SYT1: variants seen among roughly 807,000 people sequenced by gnomAD.
The protein encoded by SYT1 is synaptotagmin-1.
A neutral mutation model predicts 44.8 loss-of-function variants in SYT1; 8 were observed. That is an observed-to-expected ratio of 0.18 (90% CI 0.10 to 0.32). The LOEUF (loss-of-function observed/expected upper bound fraction) is 0.32. SYT1 is among the 10% of genes least tolerant of loss of function. The probability of loss-of-function intolerance (pLI) is 1.00; values close to 1 mark genes in which losing one functional copy is unlikely to be tolerated. For synonymous variants in SYT1, 154 were observed against 188.8 expected (o/e 0.82, Z 1.51); for missense variants, 286 against 509.3 (o/e 0.56, Z 4.22).
At position 79,006,269 on chromosome 12, in the gene SYT1, A is replaced by T. The variant is rs11112249; in HGVS notation, c.-84+28338A>T. ...TTATATCAGGTTTGGGAATTAAAGT[A>T]TTAGATTCGGTCATCAAAGGAATGC... On this transcript the variant is annotated intron_variant, in intron 2 of 10. Transcript: ENST00000261205. Among the ~76,000 whole-genome samples the T allele has an allele frequency of 1.9e-3, 290 of 152,284 alleles. 1 individual carries two copies. The highest frequency in any genetic ancestry group is 5.8e-3 in the South Asian group (28 of 4,828).
intron 3 of SYT1, among the ~76,000 whole-genome samples, chr12:79,049,826 AG>A (rs113149317): frequency 0.16 from 24,695 of 152,010 alleles, 2,006 homozygotes; most frequent in East Asian, 0.24. Context: ...CCATAGCTTA[AG>A]AACAAGTTGA....
At position 79,359,969 on chromosome 12, in the gene SYT1, G is replaced by T. The variant is rs139427540; in HGVS notation, c.928+6350G>T. The stretch of plus-strand genomic sequence containing the variant: ...CATAACCCCATCAAAATCACCTAGG[G>T]TACTTATTAAAAACTAAGATTTCAA... On this transcript the variant is annotated intron_variant, in intron 9 of 10. Coordinates refer to ENST00000261205, the MANE Select transcript of SYT1 (RefSeq NM_005639.3). 2.1e-3 allele frequency among the ~76,000 whole-genome samples: 321 copies of T among 152,158 alleles called. 2 individuals are homozygous for T. The highest frequency in any genetic ancestry group is 7.4e-3 in the African/African-American group (306 of 41,524).
chr12:79,039,037 C>A (rs1873331281), intron 2 of SYT1, among the ~76,000 whole-genome samples: 1 of 151,924 alleles, frequency 6.6e-6, no homozygotes, highest in Non-Finnish European at 1.5e-5. Flanking sequence ...CCCAAAAATG[C>A]CGCAAAAATT....
chr12:79,427,464 G>A (rs1565953385), intron 9 of SYT1, among the ~76,000 whole-genome samples: 2 of 152,204 alleles, frequency 1.3e-5, no homozygotes, highest in South Asian at 2.1e-4. Flanking sequence ...GTGCCATCAG[G>A]TTCTCAGCTA....
At chr12:79,316,968 A>G (rs1881118510) in intron 8 of SYT1, among the ~76,000 whole-genome samples, 1 of 152,238 alleles carries the variant, frequency 6.6e-6, no homozygotes, top group Non-Finnish European at 1.5e-5. Flanking sequence ...GTTAAATATT[A>G]TTGAAAAAAT....
chr12:79,256,286 T>TAAA (rs1276041362), intron 4 of SYT1, among the ~76,000 whole-genome samples: 2 of 152,250 alleles, frequency 1.3e-5, no homozygotes, highest in African/African-American at 4.8e-5. Context: ...ACAGGTGTAT[T>TAAA]TAATTGCCTC....
At chr12:79,188,990 AGT>A (rs1872958677) in intron 3 of SYT1, among the ~76,000 whole-genome samples, 1 of 152,098 alleles carries the variant, frequency 6.6e-6, no homozygotes, top group Non-Finnish European at 1.5e-5. Context: ...AAGCTCTGAA[AGT>A]AGCTCTTTCT....
chr12:79,238,710 C>T (rs895963948), intron 4 of SYT1, among the ~76,000 whole-genome samples: 2 of 152,210 alleles, frequency 1.3e-5, no homozygotes, highest in African/African-American at 4.8e-5. Flanking sequence ...CCAAATGCTA[C>T]CACATATCCA....
At chr12:79,098,194 A>G (rs1405469194) in intron 3 of SYT1, among the ~76,000 whole-genome samples, 1 of 152,032 alleles carries the variant, frequency 6.6e-6, no homozygotes, top group Non-Finnish European at 1.5e-5. Flanking sequence ...CCTCTGCAAA[A>G]GGCTCAACAA....
intron 4 of SYT1, among the ~76,000 whole-genome samples, chr12:79,260,088 G>T (rs1248643499): frequency 2.0e-5 from 3 of 152,116 alleles, no homozygotes; most frequent in Non-Finnish European, 4.4e-5. Context: ...GGAGAGTATT[G>T]TATTCTAAAC....
chr12:79,366,043 CTT>C (rs1883529404), intron 9 of SYT1, among the ~76,000 whole-genome samples: 1 of 152,146 alleles, frequency 6.6e-6, no homozygotes, highest in East Asian at 1.9e-4. Context: ...AATTTCTAGA[CTT>C]TATAAAAACA....
chr12:78,899,710 T>A (rs531331000), intron 1 of SYT1, among the ~76,000 whole-genome samples: 2 of 152,144 alleles, frequency 1.3e-5, no homozygotes, highest in South Asian at 4.1e-4. Context: ...AAACTTAGCA[T>A]AATTGGATTT....
At position 79,246,029 on chromosome 12, in the gene SYT1, G is replaced by A. The variant is rs78781889; in HGVS notation, c.166+28344G>A. 7.1e-3 allele frequency among the ~76,000 whole-genome samples: 1,076 copies of A among 152,054 alleles called. 41 individuals are homozygous for A. In the East Asian group the frequency reaches 0.077, roughly 11 times the overall value. On this transcript the variant is annotated intron_variant, in intron 4 of 10. Transcript: ENST00000261205. ...TAAATGTTTAGCATCCAAATATAAA[G>A]TACTTTTAATATCAATTTAAAGCAG...
chr12:79,248,678 T>C (rs1235269376), intron 4 of SYT1, among the ~76,000 whole-genome samples: 3 of 152,184 alleles, frequency 2.0e-5, no homozygotes, highest in Non-Finnish European at 4.4e-5. Flanking sequence ...AAATGGTATG[T>C]TCAACAAAAT....
intron 1 of SYT1, among the ~76,000 whole-genome samples, chr12:78,878,685 A>G (rs1186580384): frequency 6.6e-6 from 1 of 151,810 alleles, no homozygotes. Context: ...ATTCATTCAC[A>G]TGTGAGCTGT....
At position 79,217,546 on chromosome 12, in the gene SYT1, C is replaced by T. The variant is rs369979776; in HGVS notation, c.27C>T (p.Ala9=). 4 of 1,602,814 alleles carry T rather than the reference C, an allele frequency of 2.5e-6. No homozygotes were observed. Among genetic ancestry groups the T allele is most frequent in the Middle Eastern group, 1.6e-4 (1 of 6,062 alleles). MVSESHHE[A]LAAPPVTTVA... Reference sequence around the variant, plus strand: ...TGGTGAGCGAGAGTCACCATGAGGCCCTGGCAGCCCCGCCTGTCACCACTG... The same window carrying T: ...TGGTGAGCGAGAGTCACCATGAGGCTCTGGCAGCCCCGCCTGTCACCACTG... The change falls in exon 4 of 11, where the codon GCC becomes GCT. Residue 9 remains alanine, a synonymous_variant. Coordinates refer to ENST00000261205, the MANE Select transcript of SYT1 (RefSeq NM_005639.3).
chr12:79,179,161 T>C (rs369637173), intron 3 of SYT1, among the ~76,000 whole-genome samples: 1 of 70,480 alleles, frequency 1.4e-5, no homozygotes, highest in African/African-American at 4.8e-5. Context: ...TATAGATATA[T>C]AGATATAGAT....
At chr12:78,934,599 C>T (rs543022876) in intron 1 of SYT1, among the ~76,000 whole-genome samples, 1 of 152,050 alleles carries the variant, frequency 6.6e-6, no homozygotes, top group South Asian at 2.1e-4. Context: ...ACATCATGTC[C>T]GGAATTGAAA....
intron 3 of SYT1, among the ~76,000 whole-genome samples, chr12:79,086,038 T>C (rs1877357012): frequency 6.6e-6 from 1 of 152,158 alleles, no homozygotes; most frequent in Non-Finnish European, 1.5e-5. Context: ...CTAAATTACT[T>C]AACTACTCTA....
Sources: gnomAD v4.1 joint callset for allele counts (sites outside exome capture counted in the v4.1 genomes callset) on GRCh38, gnomAD v4.1.1 for gene constraint, MANE v1.5 for transcripts, NCBI Gene and HGNC (gene_info 2026-07-23, HGNC 2026-07-21) for gene names.